C4orf50: variants seen among roughly 807,000 people sequenced by gnomAD.
C4orf50 encodes the protein chromosome 4 open reading frame 50, also known as uncharacterized protein C4orf50.
C4orf50 carries 80 observed loss-of-function variants against 77.2 expected under a neutral mutation model. That is an observed-to-expected ratio of 1.04 (90% CI 0.87 to 1.25). The LOEUF (loss-of-function observed/expected upper bound fraction) is 1.25. C4orf50 is among the 50% of genes most tolerant of loss of function. The probability of loss-of-function intolerance (pLI) is 0.00; values close to 1 mark genes in which losing one functional copy is unlikely to be tolerated. For missense variants in C4orf50, 1,257 were observed against 1,152.9 expected, an observed-to-expected ratio of 1.09 and a Z score of -1.31; for synonymous variants, 532 against 465.3, an observed-to-expected ratio of 1.14 and a Z score of -1.84.
intron 7 of C4orf50, among the ~76,000 whole-genome samples, chr4:5,920,717 C>T (rs2108737436): frequency 6.6e-6 from 1 of 152,280 alleles, no homozygotes; most frequent in South Asian, 2.1e-4. Context: ...CTCAGGTGAT[C>T]CACCCATCTT....
exon 28 of C4orf50, chr4:5,988,531 G>C (rs1178777397): frequency 3.3e-6 from 5 of 1,537,580 alleles, no homozygotes; most frequent in Non-Finnish European, 4.4e-6. Context: ...ACCGCGTCTG[G>C]AATTCCCGGT....
chr4:5,939,850 T>C (rs6855633), intron 7 of C4orf50, among the ~76,000 whole-genome samples: 35,891 of 152,154 alleles, frequency 0.24, 5,417 homozygotes, highest in African/African-American at 0.43. Flanking sequence ...TCCTTTAGTC[T>C]TCACTGCTTC....
At chr4:5,956,057 G>A (rs1304885767), downstream of C4orf50, among the ~76,000 whole-genome samples, 2 of 152,184 alleles carry the variant, frequency 1.3e-5, no homozygotes, top group East Asian at 3.9e-4. Context: ...ACACAGTCAC[G>A]CATATAACCA....
chr4:5,918,041 G>A (rs1446044477), intron 7 of C4orf50, among the ~76,000 whole-genome samples: 1 of 152,124 alleles, frequency 6.6e-6, no homozygotes, highest in East Asian at 1.9e-4. Flanking sequence ...GTAACGAAAG[G>A]GCAACATTTG....
At chr4:5,909,958 C>A (rs563902082) in intron 7 of C4orf50, among the ~76,000 whole-genome samples, 2 of 152,182 alleles carry the variant, frequency 1.3e-5, no homozygotes, top group South Asian at 2.1e-4. Context: ...AGCATTTTTT[C>A]CCCCCTCAGG....
At chr4:5,984,547 TTC>T (rs1423185530) in intron 28 of C4orf50, among the ~76,000 whole-genome samples, 2 of 152,210 alleles carry the variant, frequency 1.3e-5, no homozygotes, top group African/African-American at 4.8e-5. Context: ...AAAATTGATA[TTC>T]TAGAACTGCA....
intron 28 of C4orf50, among the ~76,000 whole-genome samples, chr4:5,983,816 G>T (rs1325836335): frequency 6.6e-6 from 1 of 152,204 alleles, no homozygotes; most frequent in Non-Finnish European, 1.5e-5. Context: ...GTGTTTGTGG[G>T]ACAAAGTAAC....
At chr4:5,972,652 T>A (rs1560573578) in intron 31 of C4orf50, among the ~76,000 whole-genome samples, 1 of 152,186 alleles carries the variant, frequency 6.6e-6, no homozygotes, top group Non-Finnish European at 1.5e-5. Flanking sequence ...TGGGCAGAGC[T>A]GCAGAGAGAG....
intron 28 of C4orf50, among the ~76,000 whole-genome samples, chr4:5,987,843 T>C (rs932978277): frequency 2.6e-5 from 4 of 151,922 alleles, no homozygotes; most frequent in African/African-American, 9.7e-5. Flanking sequence ...ATGAGGAGAG[T>C]GACTCAAGCG....
At chr4:5,931,858 C>T (rs962423988) in intron 7 of C4orf50, among the ~76,000 whole-genome samples, 5 of 152,162 alleles carry the variant, frequency 3.3e-5, no homozygotes, top group African/African-American at 4.8e-5. Flanking sequence ...TTCAATGTCA[C>T]TTCCTCCTTC....
At chr4:5,959,928 A>T (rs377595691) in intron 33 of C4orf50, among the ~76,000 whole-genome samples, 1 of 152,114 alleles carries the variant, frequency 6.6e-6, no homozygotes, top group East Asian at 1.9e-4. Flanking sequence ...GTTCCTGTAG[A>T]GTGGATATCC....
chr4:5,979,213 G>T (rs1367311734), intron 29 of C4orf50, among the ~76,000 whole-genome samples: 1 of 152,182 alleles, frequency 6.6e-6, no homozygotes, highest in African/African-American at 2.4e-5. Flanking sequence ...ATATACAGCA[G>T]AAGTATATGC....
At chr4:5,962,445 C>T (rs758783621) in intron 33 of C4orf50, among the ~76,000 whole-genome samples, 1 of 152,240 alleles carries the variant, frequency 6.6e-6, no homozygotes, top group Non-Finnish European at 1.5e-5. Context: ...ATTACTCCAA[C>T]TATTTCCTCA....
exon 28 of C4orf50, chr4:5,988,548 G>A (rs1242316449): frequency 1.3e-6 from 2 of 1,537,180 alleles, no homozygotes; most frequent in Non-Finnish European, 1.7e-6. Flanking sequence ...CGGTGCCTGT[G>A]GAAGGTCCTG....
chr4:5,959,338 G>A, exon 34 of C4orf50: 1 of 1,593,402 alleles, frequency 6.3e-7, no homozygotes, highest in Non-Finnish European at 8.6e-7. Context: ...AATATTTATG[G>A]AGTCTATGAA....
At chr4:5,907,780 CA>C (rs1716618940) in intron 7 of C4orf50, among the ~76,000 whole-genome samples, 1 of 152,080 alleles carries the variant, frequency 6.6e-6, no homozygotes, top group African/African-American at 2.4e-5. Flanking sequence ...GCAATAGGGC[CA>C]GGGGTCTTGG....
chr4:5,974,128 A>G (rs957729884), intron 30 of C4orf50, among the ~76,000 whole-genome samples: 11 of 152,206 alleles, frequency 7.2e-5, no homozygotes, highest in Non-Finnish European at 1.3e-4. Context: ...ACCACGGACC[A>G]GCTCTGTGAG....
chr4:6,004,156 T>C (rs1722057779), intron 25 of C4orf50, among the ~76,000 whole-genome samples: 4 of 139,574 alleles, frequency 2.9e-5, no homozygotes, highest in Admixed American at 7.0e-5. Context: ...ATGGTGATGG[T>C]GATGATAGTG....
At chr4:5,961,310 A>G (rs1041752926) in intron 33 of C4orf50, among the ~76,000 whole-genome samples, 2 of 152,228 alleles carry the variant, frequency 1.3e-5, no homozygotes, top group Non-Finnish European at 2.9e-5. Flanking sequence ...GGGAGACTCC[A>G]TCTCAAAAAC....
Sources: gnomAD v4.1 joint callset for allele counts (sites outside exome capture counted in the v4.1 genomes callset) on GRCh38, gnomAD v4.1.1 for gene constraint, MANE v1.5 for transcripts, NCBI Gene and HGNC (gene_info 2026-07-23, HGNC 2026-07-21) for gene names.